RNF180: variants seen among roughly 807,000 people sequenced by gnomAD.
RNF180 encodes E3 ubiquitin-protein ligase RNF180.
A neutral mutation model predicts 59.2 loss-of-function variants in RNF180; 38 were observed. The ratio of observed to expected loss-of-function variants is 0.64; its 90% CI spans 0.50 to 0.84. The LOEUF (loss-of-function observed/expected upper bound fraction) is 0.84. RNF180 is among the 40% of genes least tolerant of loss of function. RNF180 has a pLI of 0.00. For missense variants in RNF180, 705 were observed against 700.9 expected, an observed-to-expected ratio of 1.01 and a Z score of -0.07; for synonymous variants, 262 against 240.3, an observed-to-expected ratio of 1.09 and a Z score of -0.84.
chr5:64,228,769 T>C (rs1340668139), intron 5 of RNF180, among the ~76,000 whole-genome samples: 1 of 152,086 alleles, frequency 6.6e-6, no homozygotes, highest in African/African-American at 2.4e-5. Context: ...TTTGTTCTCC[T>C]TGTAAAGCCA....
chr5:64,177,289 C>G (rs1421190520), intron 1 of RNF180, among the ~76,000 whole-genome samples: 3 of 151,864 alleles, frequency 2.0e-5, no homozygotes, highest in Admixed American at 6.6e-5. Flanking sequence ...TTTTAGATGT[C>G]CATATCTCTT....
intron 5 of RNF180, among the ~76,000 whole-genome samples, chr5:64,285,545 G>T (rs140751215): frequency 2.0e-5 from 3 of 151,954 alleles, no homozygotes; most frequent in African/African-American, 7.2e-5. Context: ...CATCATGTGG[G>T]TCAAGTCAGC....
intron 1 of RNF180, among the ~76,000 whole-genome samples, chr5:64,170,583 C>T (rs1014543915): frequency 8.5e-5 from 13 of 152,064 alleles, no homozygotes; most frequent in African/African-American, 2.9e-4. Context: ...GCGGAAAAGG[C>T]ATAAGAAAGG....
chr5:64,200,225 GA>G (rs1218271182), intron 1 of RNF180, among the ~76,000 whole-genome samples: 1 of 152,032 alleles, frequency 6.6e-6, no homozygotes, highest in East Asian at 1.9e-4. Flanking sequence ...GGAAAGCCAG[GA>G]ATTTGATACT....
chr5:64,194,276 T>G (rs888949737), intron 1 of RNF180, among the ~76,000 whole-genome samples: 1 of 152,150 alleles, frequency 6.6e-6, no homozygotes, highest in African/African-American at 2.4e-5. Context: ...GTCCTTGCGA[T>G]AGTTTGCTGA....
chr5:64,166,414 T>A (rs1471522384), intron 1 of RNF180, among the ~76,000 whole-genome samples: 3 of 152,198 alleles, frequency 2.0e-5, no homozygotes, highest in Non-Finnish European at 2.9e-5. Context: ...TCTGCACGGT[T>A]CCACTTTCCT....
chr5:64,247,343 T>C (rs186060989), intron 5 of RNF180, among the ~76,000 whole-genome samples: 8 of 152,332 alleles, frequency 5.3e-5, no homozygotes, highest in Non-Finnish European at 8.8e-5. Flanking sequence ...GCAGATGACA[T>C]GATTGTATAC....
intron 5 of RNF180, among the ~76,000 whole-genome samples, chr5:64,301,286 G>T (rs1297601926): frequency 6.6e-6 from 1 of 151,652 alleles, no homozygotes; most frequent in African/African-American, 2.4e-5. Flanking sequence ...ATCTGTATTA[G>T]TATTTTAATC....
chr5:64,302,778 T>G (rs1417838072), intron 5 of RNF180, among the ~76,000 whole-genome samples: 1 of 151,642 alleles, frequency 6.6e-6, no homozygotes, highest in African/African-American at 2.4e-5. Flanking sequence ...CTGATCTACT[T>G]TTGTCCAAGG....
chr5:64,208,135 C>T (rs989973860), intron 2 of RNF180, among the ~76,000 whole-genome samples: 6 of 151,866 alleles, frequency 4.0e-5, no homozygotes, highest in Admixed American at 6.6e-5. Context: ...TGAGAATATT[C>T]CCAACACTTA....
intron 7 of RNF180, among the ~76,000 whole-genome samples, chr5:64,333,758 T>C (rs1010387509): frequency 6.6e-6 from 1 of 152,140 alleles, no homozygotes; most frequent in Non-Finnish European, 1.5e-5. Context: ...GTCTTCCCCA[T>C]AGGAGTTCCA....
In RNF180 at chr5:64,213,853, G is replaced by T; in HGVS notation, c.527G>T (p.Gly176Val). Residue 176 changes from glycine (G) to valine (V), a missense_variant, in exon 4 of 8, where the codon GGA becomes GTA. Gly to Val is a moderately radical substitution (Grantham distance 109). Coordinates refer to ENST00000389100, the MANE Select transcript of RNF180 (RefSeq NM_001113561.2). ...ATGGCCCGAAATAATAATGACCCTG[G>T]AAGATTAACAGAAGCACTCTGCCTG... ...LNMARNNNDP[G>V]RLTEALCLEV... 1 of 1,614,102 alleles carries T rather than the reference G, an allele frequency of 6.2e-7. No homozygotes were observed. The highest frequency in any genetic ancestry group is 8.5e-7 in the Non-Finnish European group (1 of 1,180,024).
chr5:64,190,993 G>A (rs1366705003), intron 1 of RNF180, among the ~76,000 whole-genome samples: 1 of 152,186 alleles, frequency 6.6e-6, no homozygotes, highest in Non-Finnish European at 1.5e-5. Context: ...TAGAAAAGCA[G>A]CGTTGATACT....
At chr5:64,308,703 G>C (rs1169128917) in intron 5 of RNF180, among the ~76,000 whole-genome samples, 3 of 151,588 alleles carry the variant, frequency 2.0e-5, no homozygotes, top group Non-Finnish European at 4.4e-5. Flanking sequence ...AAAATATAAA[G>C]GGGGATTTTT....
chr5:64,257,336 G>T (rs949641519), intron 5 of RNF180, among the ~76,000 whole-genome samples: 2 of 151,986 alleles, frequency 1.3e-5, no homozygotes, highest in African/African-American at 4.8e-5. Context: ...ATTGGCTGTG[G>T]GTCTGTCATA....
intron 5 of RNF180, among the ~76,000 whole-genome samples, chr5:64,226,858 G>T (rs1741794746): frequency 6.6e-6 from 1 of 152,212 alleles, no homozygotes; most frequent in South Asian, 2.1e-4. Flanking sequence ...TGGATGGGAT[G>T]ACCTGGGAGA....
At chr5:64,217,786 CAA>C in intron 5 of RNF180, 1 of 143,050 alleles carries the variant, frequency 7.0e-6, no homozygotes. Flanking sequence ...CTTATCTCTA[CAA>C]AAAAAAAAAT....
At chr5:64,311,923 C>T (rs572001422) in intron 5 of RNF180, among the ~76,000 whole-genome samples, 134 of 151,874 alleles carry the variant, frequency 8.8e-4, no homozygotes, top group African/African-American at 3.1e-3. Flanking sequence ...AATGGATATC[C>T]GATATTATGC....
chr5:64,240,986 T>G (rs1561211583), intron 5 of RNF180, among the ~76,000 whole-genome samples: 1 of 152,232 alleles, frequency 6.6e-6, no homozygotes, highest in Non-Finnish European at 1.5e-5. Context: ...AAAGGTGTTT[T>G]GGGTTGTATT....
Sources: gnomAD v4.1 joint callset for allele counts (sites outside exome capture counted in the v4.1 genomes callset) on GRCh38, gnomAD v4.1.1 for gene constraint, MANE v1.5 for transcripts, NCBI Gene and HGNC (gene_info 2026-07-23, HGNC 2026-07-21) for gene names.